The following CHD4 variants were observed in gnomAD, a reference collection of about 807,000 sequenced individuals.
The protein encoded by CHD4 is ATP-dependent chromatin remodeler CHD4.
CHD4 carries 35 observed loss-of-function variants against 235.5 expected under a neutral mutation model. The ratio of observed to expected loss-of-function variants is 0.15; its 90% CI spans 0.11 to 0.20. The LOEUF (loss-of-function observed/expected upper bound fraction) is 0.20. CHD4 is among the 10% of genes least tolerant of loss of function. The probability of loss-of-function intolerance (pLI) is 1.00; values close to 1 mark genes in which losing one functional copy is unlikely to be tolerated. For synonymous variants in CHD4, 900 were observed against 850.2 expected, an observed-to-expected ratio of 1.06 and a Z score of -1.02; for missense variants, 1,329 against 2,432.3, an observed-to-expected ratio of 0.55 and a Z score of 9.54.
At chr12:6,595,561 G>A in intron 13 of CHD4, 131 bp from the exon 14 acceptor site, 1 of 683,706 alleles carries the variant, frequency 1.5e-6, no homozygotes, top group East Asian at 2.9e-5. Context: ...GCTGAGACGG[G>A]CGGATCACCT....
chr12:6,594,441 C>T lies in CHD4; in HGVS notation c.2313+18G>A. On this transcript the variant is annotated intron_variant, in intron 15 of 39. Transcript: ENST00000544040. Reference sequence around the variant, plus strand: ...CAAAACACCCACACAAAAAACTATCCACCCCAGATTTCCTTACCTCCTTGT... The same window carrying T: ...CAAAACACCCACACAAAAAACTATCTACCCCAGATTTCCTTACCTCCTTGT... 1 of 1,585,874 alleles carries T rather than the reference C, an allele frequency of 6.3e-7. No individual in the cohort carries two copies. The highest frequency in any genetic ancestry group is 1.4e-5 in the African/African-American group (1 of 74,052).
intron 37 of CHD4, 172 bp downstream of exon 37, chr12:6,577,613 T>C: frequency 1.2e-6 from 1 of 814,626 alleles, no homozygotes; most frequent in Non-Finnish European, 1.9e-6. Flanking sequence ...GTTAGTTAAC[T>C]TTCAATTCTG....
In CHD4 at chr12:6,602,086, G is replaced by A; in HGVS notation, c.312C>T (p.Asp104=). Residue 104 remains aspartate, a synonymous_variant, in exon 4 of 40, where the codon GAC becomes GAT. Coordinates refer to ENST00000544040, the MANE Select transcript of CHD4 (RefSeq NM_001273.5). ...CAGGAGTATAGTCGCTGCCCTCACT[G>A]TCTGAGCGCAGAGCCACCTCTTCCT... ...EEEEEVALRS[D]SEGSDYTPGK... The A allele has an allele frequency of 6.2e-7, 1 of 1,613,234 alleles. No individual in the cohort carries two copies. Among genetic ancestry groups the A allele is most frequent in the East Asian group, 2.2e-5 (1 of 44,854 alleles).
Position 6,601,687 on chromosome 12 carries a change from C to G in CHD4, c.518G>C (p.Arg173Pro). 6.2e-7 allele frequency: 1 copy of G among 1,614,122 alleles called. No individual in the cohort carries two copies. The highest frequency in any genetic ancestry group is 8.5e-7 in the Non-Finnish European group (1 of 1,180,028). ...IDHVFSEEDY[R>P]TLTNYKAFSQ... ...GAAGGCCTTGTAGTTGGTGAGGGTTCGATAATCCTCCTCTGAGAACACGTG... is the reference window on the plus strand; with the variant it reads ...GAAGGCCTTGTAGTTGGTGAGGGTTGGATAATCCTCCTCTGAGAACACGTG... Residue 173 changes from arginine to proline, a missense_variant, in exon 5 of 40, where the codon CGA (arginine) becomes CCA (proline). Physicochemically the swap from Arg to Pro is moderately radical, Grantham distance 103 (BLOSUM62 -2). Transcript: ENST00000544040.
chr12:6,579,008 A>G (rs1243444669), intron 33 of CHD4, 91 bp from the exon 34 acceptor site: 3 of 1,201,580 alleles, frequency 2.5e-6, no homozygotes, highest in African/African-American at 3.0e-5. Flanking sequence ...ACCCACATCT[A>G]AATGTCTGCA....
chr12:6,598,161 G>C, intron 11 of CHD4, 61 bp downstream of exon 11: 1 of 1,610,046 alleles, frequency 6.2e-7, no homozygotes, highest in Non-Finnish European at 8.5e-7. Flanking sequence ...TATCCACAAG[G>C]CTCTTTTGTC....
intron 29 of CHD4, 49 bp from the exon 30 acceptor site, chr12:6,582,330 T>C: frequency 6.6e-7 from 1 of 1,512,448 alleles, no homozygotes; most frequent in South Asian, 1.3e-5. Context: ...TGCTGACTCT[T>C]AGATTCTTTT....
chr12:6,575,496 G>C (rs1163032945), intron 37 of CHD4, among the ~76,000 whole-genome samples: 1 of 151,492 alleles, frequency 6.6e-6, no homozygotes, highest in Non-Finnish European at 1.5e-5. Context: ...TTTGGTTTGG[G>C]GGGAGAAAAA....
chr12:6,605,831 C>G (rs959649517), intron 2 of CHD4, among the ~76,000 whole-genome samples: 1 of 152,156 alleles, frequency 6.6e-6, no homozygotes, highest in Admixed American at 6.5e-5. Flanking sequence ...TAGAGTGTAA[C>G]CAGCACTCCC....
chr12:6,587,885 C>CG lies in CHD4; in HGVS notation c.3529dup (p.Arg1177ProfsTer40), dbSNP rs755158829. 1 of 1,614,240 alleles carries CG rather than the reference C, an allele frequency of 6.2e-7. No homozygotes were observed. Among genetic ancestry groups the CG allele is most frequent in the Non-Finnish European group, 8.5e-7 (1 of 1,180,044 alleles). Reference sequence around the variant, plus strand: ...CGTGATGCGCTCCTCCACTGACGCACGGGTCACAAACCGGTAGATCATTAC... The same window carrying CG: ...CGTGATGCGCTCCTCCACTGACGCACGGGGTCACAAACCGGTAGATCATTAC... On this transcript the variant is annotated frameshift_variant, in exon 24 of 40. Transcript: ENST00000544040. LOFTEE classifies it high-confidence loss of function.
intron 22 of CHD4, among the ~76,000 whole-genome samples, chr12:6,590,482 T>C (rs1050030487): frequency 3.3e-5 from 5 of 152,208 alleles, no homozygotes; most frequent in African/African-American, 7.2e-5. Flanking sequence ...TGCAACTTTT[T>C]TCTAAGTCTA....
intron 3 of CHD4, 100 bp downstream of exon 3, chr12:6,602,276 C>T: frequency 6.3e-7 from 1 of 1,599,068 alleles, no homozygotes; most frequent in East Asian, 2.2e-5. Context: ...ACATGGCCCA[C>T]CACTTCTGAG....
rs1227383771 is a variant in CHD4, at chr12:6,593,905, A to G, written c.2314-289T>C. Among the ~76,000 whole-genome samples, 1 of 152,062 alleles carries G rather than the reference A, an allele frequency of 6.6e-6. No homozygotes were observed. Among genetic ancestry groups the G allele is most frequent in the African/African-American group, 2.4e-5 (1 of 41,398 alleles). On this transcript the variant is annotated intron_variant, in intron 15 of 39. Coordinates refer to ENST00000544040, the MANE Select transcript of CHD4 (RefSeq NM_001273.5). The surrounding 1 kb of genome is among the most constrained non-coding windows in gnomAD (Gnocchi z 4.9). ...GGCTGGAGTGCAATGGCGCAATCTC[A>G]GCTCACTGCAACCTCCACCTCCCGG... is the stretch of plus-strand genomic sequence containing the variant.
intron 12 of CHD4, among the ~76,000 whole-genome samples, chr12:6,597,395 G>A (rs1948518520): frequency 6.6e-6 from 1 of 152,232 alleles, no homozygotes; most frequent in Admixed American, 6.5e-5. Context: ...GAGCCCAGGA[G>A]TTTGGGACAG....
At chr12:6,580,703 T>TTA (rs1948166027) in intron 33 of CHD4, 1 of 116,806 alleles carries the variant, frequency 8.6e-6, no homozygotes, top group African/African-American at 1.4e-4. Context: ...AAAACTCCTT[T>TTA]GAAAAAAAAA....
intron 17 of CHD4, 116 bp downstream of exon 17, chr12:6,592,975 G>T (rs1948426761): frequency 1.3e-6 from 2 of 1,522,594 alleles, no homozygotes; most frequent in South Asian, 1.2e-5. Flanking sequence ...TACAAGGAAG[G>T]AAGGCAGAGA....
Position 6,581,334 on chromosome 12 carries a change from CCTT to C in CHD4, c.4733_4735del (p.Glu1578del). On this transcript the variant is annotated inframe_deletion, in exon 32 of 40. Transcript: ENST00000544040. Reference sequence around the variant, plus strand: ...GGCTGTAGATTTAACCTCCTTTTCTCCTTCTATGCTCTCTTCTTCTTTGAGGCT... The same window carrying C: ...GGCTGTAGATTTAACCTCCTTTTCTCCTATGCTCTCTTCTTCTTTGAGGCT... The C allele has an allele frequency of 1.2e-6, 2 of 1,614,212 alleles. No homozygotes were observed. The highest frequency in any genetic ancestry group is 1.1e-5 in the South Asian group (1 of 91,080).
chr12:6,602,229 T>C (rs1565619381), intron 3 of CHD4, 54 bp from the exon 4 acceptor site: 3 of 1,603,108 alleles, frequency 1.9e-6, no homozygotes, highest in Non-Finnish European at 1.7e-6. Context: ...GCTACACACA[T>C]GCTGACCTCA....
intron 2 of CHD4, chr12:6,602,791 A>G (rs1273642725): frequency 7.3e-6 from 2 of 273,320 alleles, no homozygotes; most frequent in East Asian, 7.5e-5. Context: ...TCACCAGTAC[A>G]GCTGAACTGA....
Sources: gnomAD v4.1 joint callset for allele counts (sites outside exome capture counted in the v4.1 genomes callset) on GRCh38, gnomAD v4.1.1 for gene constraint, Gnocchi (gnomAD v3.1) non-coding constraint, MANE v1.5 for transcripts, NCBI Gene and HGNC (gene_info 2026-07-23, HGNC 2026-07-21) for gene names.